PKHD1L1: variants seen among roughly 807,000 people sequenced by gnomAD.
The protein encoded by PKHD1L1 is PKHD1 like 1, also known as fibrocystin-L.
In PKHD1L1, 434 loss-of-function variants were observed where a neutral mutation model predicts 462.9. The ratio of observed to expected loss-of-function variants is 0.94; its 90% CI spans 0.87 to 1.02. The LOEUF (loss-of-function observed/expected upper bound fraction) is 1.02. PKHD1L1 is among the 50% of genes least tolerant of loss of function. The probability of loss-of-function intolerance (pLI) is 0.00; values close to 1 mark genes in which losing one functional copy is unlikely to be tolerated. For synonymous variants in PKHD1L1, 1,781 were observed against 1,750.0 expected (o/e 1.02, Z -0.44); for missense variants, 5,202 against 5,096.1 (o/e 1.02, Z -0.63).
intron 24 of PKHD1L1, among the ~76,000 whole-genome samples, chr8:109,426,667 T>A (rs1378969987): frequency 6.6e-6 from 1 of 152,166 alleles, no homozygotes; most frequent in East Asian, 1.9e-4. Flanking sequence ...ATTATTAATT[T>A]TTTTTTGAGA....
Position 109,518,154 on chromosome 8 carries a change from T to C in PKHD1L1, c.11690-13T>C, listed in dbSNP as rs368749861. 9.4e-6 allele frequency: 14 copies of C among 1,495,822 alleles called. No homozygotes were observed. In the African/African-American group the frequency reaches 2.0e-4, roughly 21 times the overall value. The allele number at this position is 1,495,822 out of a possible 1,614,324, so 92.7% of individuals were successfully genotyped here. ...ATACTTAGCTGTGATGTTCTGGCTT[T>C]TTTCCTTCATAGACCAATTCCTTCC... On this transcript the variant is annotated splice_polypyrimidine_tract_variant and intron_variant, in intron 72 of 77. Transcript: ENST00000378402.
chr8:109,390,122 T>G lies in PKHD1L1; in HGVS notation c.698-330T>G, dbSNP rs1308059036. Among the ~76,000 whole-genome samples the G allele has an allele frequency of 2.6e-5, 4 of 152,150 alleles. No individual in the cohort carries two copies. In the East Asian group the frequency reaches 7.7e-4, roughly 29 times the overall value. On this transcript the variant is annotated intron_variant, in intron 8 of 77. Transcript: ENST00000378402. ...TCTGCTCTCTCAGCCTCTAGCAGAG[T>G]GTCTGAACAGTTAAATAGCTGTTAA... is the stretch of plus-strand genomic sequence containing the variant.
chr8:109,477,109 G>A (rs1818027833), intron 52 of PKHD1L1, 116 bp from the exon 53 acceptor site: 1 of 912,580 alleles, frequency 1.1e-6, no homozygotes, highest in Non-Finnish European at 1.7e-6. Context: ...TTCCATACAT[G>A]TGAATTATAA....
chr8:109,432,518 ATC>A (rs1169706241), intron 27 of PKHD1L1, among the ~76,000 whole-genome samples: 9 of 152,286 alleles, frequency 5.9e-5, no homozygotes, highest in African/African-American at 2.2e-4. Flanking sequence ...GTAATTATCT[ATC>A]TATCTATCCA....
chr8:109,527,263 C>T (rs950677867), intron 77 of PKHD1L1, among the ~76,000 whole-genome samples: 4 of 152,170 alleles, frequency 2.6e-5, no homozygotes, highest in East Asian at 1.9e-4. Flanking sequence ...GCATTTTGGG[C>T]GGCTGAGGCA....
chr8:109,414,226 A>G (rs1586461122), intron 21 of PKHD1L1, among the ~76,000 whole-genome samples: 1 of 152,182 alleles, frequency 6.6e-6, no homozygotes, highest in South Asian at 2.1e-4. Context: ...GAAGACATAC[A>G]CAGAGACACA....
intron 3 of PKHD1L1, among the ~76,000 whole-genome samples, chr8:109,382,016 G>T (rs73700871): frequency 6.6e-5 from 10 of 152,208 alleles, no homozygotes; most frequent in African/African-American, 2.4e-4. Context: ...CTTAGAAACA[G>T]ATAGCACATA....
At chr8:109,370,076 G>A (rs1027030421) in intron 2 of PKHD1L1, among the ~76,000 whole-genome samples, 7 of 152,136 alleles carry the variant, frequency 4.6e-5, no homozygotes, top group Non-Finnish European at 8.8e-5. Flanking sequence ...TACAGCCTGG[G>A]TTCGAATCCC....
intron 50 of PKHD1L1, among the ~76,000 whole-genome samples, chr8:109,473,350 T>C (rs948123097): frequency 1.3e-5 from 2 of 151,784 alleles, no homozygotes. Context: ...CTGCCTCTAC[T>C]AAAACTACCA....
Position 109,470,783 on chromosome 8 carries a change from A to G in PKHD1L1, c.8605+4014A>G, listed in dbSNP as rs1817676775. On this transcript the variant is annotated intron_variant, in intron 50 of 77. Coordinates refer to ENST00000378402, the MANE Select transcript of PKHD1L1 (RefSeq NM_177531.6). ...AGGGAGGACTGTTTTTTCATAAATC[A>G]GTTTTGTGAGGTAAGGAAGGATGAA... The G allele has an allele frequency of 2.0e-5, 31 of 1,523,156 alleles. No homozygotes were observed. In the South Asian group the frequency reaches 3.7e-4, roughly 18 times the overall value. The allele number at this position is 1,523,156 out of a possible 1,614,324, so 94.4% of individuals were successfully genotyped here. A position where few individuals can be genotyped will look rare whatever the true frequency, so the allele number is the denominator to read the frequency against.
At chr8:109,411,721 CT>C (rs1813866178) in intron 19 of PKHD1L1, among the ~76,000 whole-genome samples, 1 of 152,140 alleles carries the variant, frequency 6.6e-6, no homozygotes, top group Non-Finnish European at 1.5e-5. Context: ...TGCACAGTGC[CT>C]TTGACACCTC....
At chr8:109,387,399 A>T (rs562493896) in intron 6 of PKHD1L1, among the ~76,000 whole-genome samples, 4 of 152,230 alleles carry the variant, frequency 2.6e-5, no homozygotes, top group Non-Finnish European at 5.9e-5. Flanking sequence ...AACTGTGGTT[A>T]AGAATACTGA....
chr8:109,518,177 T>C lies in PKHD1L1; in HGVS notation c.11700T>C (p.Leu3900=), dbSNP rs1325897091. Residue 3900 remains leucine (L), a synonymous_variant, in exon 73 of 78, where the codon CTT becomes CTC. Transcript: ENST00000378402. The part of the protein sequence containing the change: ...LNNHLYKDQF[L]PNLDSTVLGE... ...TTTTTTCCTTCATAGACCAATTCCT[T>C]CCTAACCTGGATTCCACTGTCCTTG... The C allele has an allele frequency of 1.0e-5, 16 of 1,583,150 alleles. No homozygotes were observed. The highest frequency in any genetic ancestry group is 1.4e-5 in the Non-Finnish European group (16 of 1,155,786).
At chr8:109,455,756 G>A (rs986419803) in intron 45 of PKHD1L1, among the ~76,000 whole-genome samples, 1 of 151,992 alleles carries the variant, frequency 6.6e-6, no homozygotes, top group South Asian at 2.1e-4. Flanking sequence ...TTATATTGAC[G>A]TCTTCCACAT....
In PKHD1L1 at chr8:109,508,223, C is replaced by T; in HGVS notation, c.11354C>T (p.Pro3785Leu). ...GACACAGAAACTCGAAGACTTTCCCCAGTGGCTATAATGGGCAACGGTTAT... is the reference window on the plus strand; with the variant it reads ...GACACAGAAACTCGAAGACTTTCCCTAGTGGCTATAATGGGCAACGGTTAT... Reference protein sequence around the residue: ...DPDTETRRLSPVAIMGNGYVD... With the variant: ...DPDTETRRLSLVAIMGNGYVD... The change falls in exon 70 of 78, where the codon CCA (proline) becomes CTA (leucine). Residue 3785 changes from proline to leucine, a missense_variant. Around this residue, in one of 3 missense-constraint regions of PKHD1L1, gnomAD observed 698 missense variants for 736.3 expected, o/e 0.95. Coordinates refer to ENST00000378402, the MANE Select transcript of PKHD1L1 (RefSeq NM_177531.6). The T allele has an allele frequency of 6.2e-7, 1 of 1,612,878 alleles. No homozygotes were observed. The highest frequency in any genetic ancestry group is 8.5e-7 in the Non-Finnish European group (1 of 1,179,312).
At chr8:109,397,553 A>G (rs995610606) in intron 11 of PKHD1L1, among the ~76,000 whole-genome samples, 5 of 152,076 alleles carry the variant, frequency 3.3e-5, no homozygotes, top group Admixed American at 2.6e-4. Context: ...TAGCTGGCAT[A>G]GTGGCACATG....
At chr8:109,494,438 A>C (rs1434440105) in intron 63 of PKHD1L1, among the ~76,000 whole-genome samples, 2 of 151,954 alleles carry the variant, frequency 1.3e-5, no homozygotes, top group Non-Finnish European at 2.9e-5. Flanking sequence ...TCTATGAACA[A>C]GGTTATTCAT....
intron 28 of PKHD1L1, among the ~76,000 whole-genome samples, chr8:109,434,097 C>T (rs562446456): frequency 1.7e-4 from 26 of 151,820 alleles, no homozygotes; most frequent in East Asian, 5.8e-4. Flanking sequence ...CAGGGCCTGT[C>T]GAGGGGTTGG....
intron 6 of PKHD1L1, 138 bp from the exon 7 acceptor site, chr8:109,388,359 T>A: frequency 1.5e-6 from 1 of 674,450 alleles, no homozygotes; most frequent in South Asian, 1.7e-5. Context: ...GATGTTTTGT[T>A]GAATGCATGA....
Sources: gnomAD v4.1 joint callset for allele counts (sites outside exome capture counted in the v4.1 genomes callset) on GRCh38, gnomAD v4.1.1 for gene constraint, gnomAD v4.1.1 regional missense constraint, MANE v1.5 for transcripts, NCBI Gene and HGNC (gene_info 2026-07-23, HGNC 2026-07-21) for gene names.